TSHZ2: variants seen among roughly 807,000 people sequenced by gnomAD.
TSHZ2 encodes teashirt homolog 2.
TSHZ2 carries 21 observed loss-of-function variants against 74.4 expected under a neutral mutation model. The observed-to-expected ratio is 0.28, with a 90% CI of 0.20 to 0.41. TSHZ2 has a LOEUF of 0.41. Among genes scored for constraint, TSHZ2 ranks in the 10% least tolerant of loss-of-function variants. The pLI, the probability that TSHZ2 is intolerant of heterozygous loss-of-function variation, is 1.00. For synonymous variants in TSHZ2, 540 were observed against 515.3 expected, an observed-to-expected ratio of 1.05 and a Z score of -0.65; for missense variants, 1,244 against 1,293.5, an observed-to-expected ratio of 0.96 and a Z score of 0.59.
intron 1 of TSHZ2, among the ~76,000 whole-genome samples, chr20:52,998,020 C>T (rs1568711892): frequency 6.6e-6 from 1 of 152,174 alleles, no homozygotes; most frequent in African/African-American, 2.4e-5. Flanking sequence ...AGAGGATGCT[C>T]AGGGGGGGAT....
At chr20:53,343,074 C>A (rs200620) in intron 2 of TSHZ2, among the ~76,000 whole-genome samples, 63,796 of 146,524 alleles carry the variant, frequency 0.44, 14,114 homozygotes, top group African/African-American at 0.51. Context: ...TCAAGCGATT[C>A]TCCTGCCTCA....
intron 2 of TSHZ2, among the ~76,000 whole-genome samples, chr20:53,459,240 C>G (rs929262009): frequency 4.6e-5 from 7 of 152,106 alleles, no homozygotes; most frequent in Admixed American, 1.3e-4. Flanking sequence ...TCTGGGTGCT[C>G]CTGTATTGGG....
rs1302046538 is a variant in TSHZ2, at chr20:53,331,407, G to T, written c.*8+74836G>T. The stretch of plus-strand genomic sequence containing the variant: ...CTTGGTTCTTCTTCCGGGACCTGGT[G>T]GGGGCCAGGAGATTTAATGTGAGGG... On this transcript the variant is annotated intron_variant, in intron 2 of 2. Transcript: ENST00000371497. Among the ~76,000 whole-genome samples, 3 of 152,116 alleles carry T rather than the reference G, an allele frequency of 2.0e-5. No homozygotes were observed. The East Asian group carries it at 5.8e-4, about 29-fold the overall frequency.
At chr20:53,156,202 A>G (rs768894039) in intron 1 of TSHZ2, among the ~76,000 whole-genome samples, 1 of 152,144 alleles carries the variant, frequency 6.6e-6, no homozygotes, top group Non-Finnish European at 1.5e-5. Flanking sequence ...CTTTTTACCC[A>G]TATCTCTATC....
chr20:53,223,079 T>C (rs1291477884), intron 1 of TSHZ2, among the ~76,000 whole-genome samples: 1 of 152,200 alleles, frequency 6.6e-6, no homozygotes, highest in African/African-American at 2.4e-5. Context: ...TATGGACAGC[T>C]TGGGTGTCTA....
At chr20:53,089,349 A>G (rs899415152) in intron 1 of TSHZ2, among the ~76,000 whole-genome samples, 1 of 144,836 alleles carries the variant, frequency 6.9e-6, no homozygotes, top group Non-Finnish European at 1.5e-5. Context: ...TTTATTAAAC[A>G]GAGTTTTTCC....
At chr20:53,452,041 G>A (rs1040438635) in intron 2 of TSHZ2, among the ~76,000 whole-genome samples, 2 of 152,218 alleles carry the variant, frequency 1.3e-5, no homozygotes, top group African/African-American at 4.8e-5. Context: ...GTCAAGACAT[G>A]GGCAAGACAA....
At chr20:53,071,198 C>T in intron 1 of TSHZ2, among the ~76,000 whole-genome samples, 1 of 152,180 alleles carries the variant, frequency 6.6e-6, no homozygotes, top group East Asian at 1.9e-4. Context: ...GAGGAATGAG[C>T]CTCTGTGCTC....
intron 1 of TSHZ2, among the ~76,000 whole-genome samples, chr20:53,123,356 G>A (rs6013637): frequency 0.019 from 2,950 of 152,228 alleles, 94 homozygotes; most frequent in African/African-American, 0.068. Flanking sequence ...TTCAATAAAC[G>A]TATGATCAGC....
At chr20:53,395,951 T>C (rs1261491762) in intron 2 of TSHZ2, among the ~76,000 whole-genome samples, 1 of 151,430 alleles carries the variant, frequency 6.6e-6, no homozygotes, top group African/African-American at 2.5e-5. Context: ...TGTTTGTTTG[T>C]TTGAGATGGA....
chr20:53,421,579 C>T (rs1321237120), intron 2 of TSHZ2: 1 of 204,302 alleles, frequency 4.9e-6, no homozygotes, highest in Admixed American at 4.8e-5. Context: ...GAATCAATAT[C>T]ACAGAAGCCA....
intron 2 of TSHZ2, among the ~76,000 whole-genome samples, chr20:53,388,051 C>CA (rs370885996): frequency 0.27 from 27,265 of 99,688 alleles, 2,829 homozygotes; most frequent in East Asian, 0.44. Flanking sequence ...TCCATCTCTA[C>CA]AAAAAAAAAA....
intron 1 of TSHZ2, among the ~76,000 whole-genome samples, chr20:53,001,198 TCATGTG>T (rs1982395904): frequency 2.8e-5 from 2 of 70,966 alleles, no homozygotes; most frequent in South Asian, 9.2e-4. Flanking sequence ...GTGTGTGCGT[TCATGTG>T]CGTGTGTGTG....
intron 1 of TSHZ2, among the ~76,000 whole-genome samples, chr20:53,218,680 A>G (rs1431152421): frequency 6.6e-6 from 1 of 152,136 alleles, no homozygotes; most frequent in Admixed American, 6.5e-5. Flanking sequence ...GCCATTTATC[A>G]TTGTGTTTGG....
At chr20:53,110,877 T>C (rs1600695776) in intron 1 of TSHZ2, among the ~76,000 whole-genome samples, 1 of 150,004 alleles carries the variant, frequency 6.7e-6, no homozygotes, top group East Asian at 2.0e-4. Flanking sequence ...TGCAGCTGAG[T>C]CCCATTTTGG....
At chr20:53,381,786 T>G (rs1459780485) in intron 2 of TSHZ2, among the ~76,000 whole-genome samples, 1 of 152,160 alleles carries the variant, frequency 6.6e-6, no homozygotes, top group Non-Finnish European at 1.5e-5. Context: ...TTTTGGTGTC[T>G]GTGTATGGTC....
intron 1 of TSHZ2, among the ~76,000 whole-genome samples, chr20:53,191,151 C>T (rs1431353186): frequency 6.6e-6 from 1 of 151,726 alleles, no homozygotes; most frequent in Non-Finnish European, 1.5e-5. Context: ...TATACATACA[C>T]ATGTGCATAT....
chr20:53,424,518 A>G (rs1983590910), intron 2 of TSHZ2, among the ~76,000 whole-genome samples: 1 of 152,160 alleles, frequency 6.6e-6, no homozygotes, highest in Non-Finnish European at 1.5e-5. Context: ...ATAATGTTTC[A>G]TACCTGGGCA....
chr20:52,994,381 G>T (rs1247980905), intron 1 of TSHZ2, among the ~76,000 whole-genome samples: 3 of 152,036 alleles, frequency 2.0e-5, no homozygotes, highest in African/African-American at 7.2e-5. Flanking sequence ...TGGATGAATG[G>T]ATGGATAAAC....
Sources: gnomAD v4.1 joint callset for allele counts (sites outside exome capture counted in the v4.1 genomes callset) on GRCh38, gnomAD v4.1.1 for gene constraint, MANE v1.5 for transcripts, NCBI Gene and HGNC (gene_info 2026-07-23, HGNC 2026-07-21) for gene names.